Variants in PTPRK observed in about 807,000 individuals in gnomAD.
PTPRK encodes protein tyrosine phosphatase receptor type K.
PTPRK carries 75 observed loss-of-function variants against 178.0 expected under a neutral mutation model. The observed-to-expected ratio is 0.42, with a 90% CI of 0.35 to 0.51. PTPRK has a LOEUF of 0.51. Ranked by LOEUF, PTPRK falls within the 20% of genes least tolerant of loss-of-function variation. The pLI, the probability that PTPRK is intolerant of heterozygous loss-of-function variation, is 0.02. For synonymous variants in PTPRK, 637 were observed against 620.6 expected (o/e 1.03, Z -0.39); for missense variants, 1,441 against 1,797.8 (o/e 0.80, Z 3.59).
chr6:128,018,660 T>C (rs970380303), intron 13 of PTPRK, among the ~76,000 whole-genome samples: 1 of 152,104 alleles, frequency 6.6e-6, no homozygotes, highest in South Asian at 2.1e-4. Context: ...TATTGAAACA[T>C]GTAAAGTGCT....
chr6:128,066,545 G>C (rs1781798290), intron 12 of PTPRK, among the ~76,000 whole-genome samples: 2 of 151,984 alleles, frequency 1.3e-5, no homozygotes, highest in Non-Finnish European at 2.9e-5. Flanking sequence ...TGTATATCAT[G>C]TATCACTCCC....
At chr6:128,219,122 AACAGGTTCTT>A in intron 5 of PTPRK, 26 bp from the exon 6 acceptor site, 1 of 1,574,412 alleles carries the variant, frequency 6.4e-7, no homozygotes, top group Non-Finnish European at 8.7e-7. Flanking sequence ...AATCTTTAAA[AACAGGTTCTT>A]ACTATTTTCA....
At chr6:128,226,309 T>C (rs886684426) in intron 5 of PTPRK, among the ~76,000 whole-genome samples, 4 of 152,232 alleles carry the variant, frequency 2.6e-5, no homozygotes, top group Admixed American at 2.0e-4. Flanking sequence ...AATCACAATA[T>C]TATGAAGATG....
intron 1 of PTPRK, among the ~76,000 whole-genome samples, chr6:128,423,300 A>G (rs564516686): frequency 6.6e-6 from 1 of 152,342 alleles, no homozygotes; most frequent in Admixed American, 6.5e-5. Context: ...CGGGTATACA[A>G]ACAACATATA....
At chr6:128,090,941 T>A (rs1232783226) in intron 7 of PTPRK, among the ~76,000 whole-genome samples, 2 of 152,226 alleles carry the variant, frequency 1.3e-5, no homozygotes, top group Middle Eastern at 6.3e-3. Context: ...AAATTCTTGC[T>A]AAATGGAAAT....
chr6:128,119,567 T>C (rs1792117558), intron 7 of PTPRK, among the ~76,000 whole-genome samples: 1 of 152,068 alleles, frequency 6.6e-6, no homozygotes, highest in South Asian at 2.1e-4. Context: ...TTTCCAGGAA[T>C]AAGCTACAGT....
intron 1 of PTPRK, among the ~76,000 whole-genome samples, chr6:128,416,647 T>TAA (rs762520693): frequency 2.5e-5 from 3 of 121,534 alleles, no homozygotes; most frequent in Admixed American, 8.5e-5. Context: ...GACTCCATCT[T>TAA]AAAAAAAAAA....
chr6:128,096,610 C>T (rs1291345909), intron 7 of PTPRK, among the ~76,000 whole-genome samples: 1 of 152,064 alleles, frequency 6.6e-6, no homozygotes, highest in Non-Finnish European at 1.5e-5. Flanking sequence ...TGTCCCAAAG[C>T]TCGTGCCAAG....
At chr6:128,171,455 A>G (rs1800238451) in intron 7 of PTPRK, among the ~76,000 whole-genome samples, 1 of 152,024 alleles carries the variant, frequency 6.6e-6, no homozygotes, top group South Asian at 2.1e-4. Context: ...CACTTGTAAT[A>G]TGCCTTGTTA....
intron 22 of PTPRK, among the ~76,000 whole-genome samples, chr6:127,984,341 C>T (rs1775710061): frequency 6.6e-6 from 1 of 152,138 alleles, no homozygotes; most frequent in South Asian, 2.1e-4. Context: ...CTCTATCTCA[C>T]CATATTTTGT....
At chr6:128,283,422 G>A (rs1178085695) in intron 3 of PTPRK, among the ~76,000 whole-genome samples, 1 of 152,140 alleles carries the variant, frequency 6.6e-6, no homozygotes, top group African/African-American at 2.4e-5. Context: ...CAGTTATAAA[G>A]CCAAATGTAA....
chr6:128,354,400 T>C (rs1291830357), intron 2 of PTPRK, among the ~76,000 whole-genome samples: 2 of 151,718 alleles, frequency 1.3e-5, no homozygotes, highest in Non-Finnish European at 2.9e-5. Context: ...ACCGCCCGGC[T>C]AATTTCTTGT....
At chr6:128,360,017 T>C (rs1834516508) in intron 2 of PTPRK, among the ~76,000 whole-genome samples, 1 of 152,156 alleles carries the variant, frequency 6.6e-6, no homozygotes, top group Non-Finnish European at 1.5e-5. Flanking sequence ...TCTTCATCAA[T>C]AAATATCTAT....
At chr6:128,491,884 A>C in intron 1 of PTPRK, 1 of 484,192 alleles carries the variant, frequency 2.1e-6, no homozygotes, top group South Asian at 1.5e-5. Context: ...CTAACAGGCT[A>C]ATCTTCACGG....
At chr6:128,325,057 A>G (rs542101896) in intron 2 of PTPRK, among the ~76,000 whole-genome samples, 1 of 152,322 alleles carries the variant, frequency 6.6e-6, no homozygotes, top group East Asian at 1.9e-4. Context: ...AGTTATCTCA[A>G]GGCTTAATAA....
intron 1 of PTPRK, among the ~76,000 whole-genome samples, chr6:128,416,078 A>G (rs1231093617): frequency 6.6e-6 from 1 of 152,162 alleles, no homozygotes; most frequent in Non-Finnish European, 1.5e-5. Context: ...CCTAAACAGG[A>G]CTACAGAAAT....
chr6:127,986,015 A>AT (rs200684511), intron 21 of PTPRK, 140 bp from the exon 22 acceptor site: 21,413 of 726,420 alleles, frequency 0.029, 535 homozygotes, highest in South Asian at 0.071. Flanking sequence ...TTTCTTAAAA[A>AT]AAAAATATAA....
At chr6:128,343,284 G>A (rs1033335177) in intron 2 of PTPRK, among the ~76,000 whole-genome samples, 1 of 152,040 alleles carries the variant, frequency 6.6e-6, no homozygotes, top group Non-Finnish European at 1.5e-5. Context: ...TGGATCACCT[G>A]AGGTCAGGAG....
chr6:128,132,201 G>A (rs1227969801), intron 7 of PTPRK, among the ~76,000 whole-genome samples: 1 of 152,052 alleles, frequency 6.6e-6, no homozygotes, highest in Non-Finnish European at 1.5e-5. Flanking sequence ...TTTTGAGATG[G>A]AGTCTCACTG....
Sources: gnomAD v4.1 joint callset for allele counts (sites outside exome capture counted in the v4.1 genomes callset) on GRCh38, gnomAD v4.1.1 for gene constraint, MANE v1.5 for transcripts, NCBI Gene and HGNC (gene_info 2026-07-23, HGNC 2026-07-21) for gene names.